FSTL4: variants seen among roughly 807,000 people sequenced by gnomAD.
FSTL4 encodes follistatin like 4.
FSTL4 carries 28 observed loss-of-function variants against 78.2 expected under a neutral mutation model. The ratio of observed to expected loss-of-function variants is 0.36; its 90% CI spans 0.27 to 0.49. FSTL4 has a LOEUF of 0.49. Among genes scored for constraint, FSTL4 ranks in the 20% least tolerant of loss-of-function variants. The probability of loss-of-function intolerance (pLI) is 0.98; values close to 1 mark genes in which losing one functional copy is unlikely to be tolerated. For synonymous variants in FSTL4, 422 were observed against 440.5 expected (o/e 0.96, Z 0.53); for missense variants, 922 against 1,084.9 (o/e 0.85, Z 2.11).
intron 8 of FSTL4, among the ~76,000 whole-genome samples, chr5:133,226,638 T>C (rs1424008248): frequency 6.6e-6 from 1 of 152,194 alleles, no homozygotes; most frequent in Non-Finnish European, 1.5e-5. Flanking sequence ...TTACACACTT[T>C]CAAAAAAGAT....
chr5:133,785,244 G>T, the FSTL4 span, among the ~76,000 whole-genome samples: 20 of 152,266 alleles, frequency 1.3e-4, no homozygotes, highest in Non-Finnish European at 5.9e-5. Flanking sequence ...GTCATGTGCA[G>T]CTGTGCTCCA....
At chr5:133,328,114 C>G (rs1447507273) in intron 4 of FSTL4, among the ~76,000 whole-genome samples, 2 of 152,208 alleles carry the variant, frequency 1.3e-5, no homozygotes, top group East Asian at 3.8e-4. Context: ...TGGCCTTTTA[C>G]CCAGGGTTAA....
the FSTL4 span, among the ~76,000 whole-genome samples, chr5:133,796,247 G>T: frequency 1.3e-5 from 2 of 152,228 alleles, no homozygotes; most frequent in East Asian, 3.9e-4. Flanking sequence ...CTTATGGGAG[G>T]GGGAGCACAC....
the FSTL4 span, among the ~76,000 whole-genome samples, chr5:133,808,322 A>G: frequency 0.14 from 20,822 of 152,152 alleles, 1,749 homozygotes; most frequent in African/African-American, 0.24. Context: ...ACAGAGGAGG[A>G]GAGTGTCCCA....
the FSTL4 span, among the ~76,000 whole-genome samples, chr5:133,715,156 GA>G: frequency 2.0e-5 from 3 of 152,186 alleles, no homozygotes; most frequent in Non-Finnish European, 4.4e-5. Context: ...CCTAAATTAT[GA>G]AAGCAAACAA....
At chr5:133,210,029 G>C (rs928055231) in intron 14 of FSTL4, 162 bp downstream of exon 14, 1 of 540,152 alleles carries the variant, frequency 1.9e-6, no homozygotes, top group African/African-American at 1.9e-5. Flanking sequence ...CCTGTGAGGG[G>C]CATTGGCCTG....
intron 3 of FSTL4, among the ~76,000 whole-genome samples, chr5:133,415,000 C>T (rs945203175): frequency 6.6e-6 from 1 of 152,212 alleles, no homozygotes; most frequent in African/African-American, 2.4e-5. Flanking sequence ...TCTCTTCCAC[C>T]TCCAAACCCA....
chr5:133,267,487 G>A (rs1385775397), intron 6 of FSTL4, among the ~76,000 whole-genome samples: 1 of 152,184 alleles, frequency 6.6e-6, no homozygotes, highest in Non-Finnish European at 1.5e-5. Context: ...AAGAGGCTGA[G>A]GCTGAATGAG....
At chr5:133,265,280 C>T (rs1752619360) in intron 6 of FSTL4, among the ~76,000 whole-genome samples, 1 of 152,226 alleles carries the variant, frequency 6.6e-6, no homozygotes, top group Non-Finnish European at 1.5e-5. Context: ...CTGCCGGCCA[C>T]TCTCCAAATG....
intron 2 of FSTL4, among the ~76,000 whole-genome samples, chr5:133,573,969 A>C (rs1317826390): frequency 6.6e-6 from 1 of 152,236 alleles, no homozygotes; most frequent in Non-Finnish European, 1.5e-5. Context: ...GAGTATCTTC[A>C]TGACTTTAAA....
At chr5:133,546,413 G>A (rs1759573275) in intron 3 of FSTL4, among the ~76,000 whole-genome samples, 1 of 150,668 alleles carries the variant, frequency 6.6e-6, no homozygotes, top group Admixed American at 6.7e-5. Context: ...GGCTGAGGTA[G>A]GAGAATTGCT....
the FSTL4 span, among the ~76,000 whole-genome samples, chr5:133,681,284 C>T: frequency 6.6e-6 from 1 of 152,202 alleles, no homozygotes; most frequent in East Asian, 1.9e-4. Context: ...TAATGTGAGG[C>T]CTGGGCCAGA....
chr5:133,509,026 T>A (rs2112885564), intron 3 of FSTL4, among the ~76,000 whole-genome samples: 1 of 152,356 alleles, frequency 6.6e-6, no homozygotes, highest in African/African-American at 2.4e-5. Flanking sequence ...GACTTGCTAT[T>A]GGTTTACTCT....
At chr5:133,238,781 G>A (rs544843985) in intron 7 of FSTL4, among the ~76,000 whole-genome samples, 4 of 152,332 alleles carry the variant, frequency 2.6e-5, no homozygotes, top group East Asian at 1.9e-4. Flanking sequence ...AGGTTACGGC[G>A]ACATTCACTT....
At chr5:133,277,172 T>C (rs1752902270) in intron 6 of FSTL4, among the ~76,000 whole-genome samples, 1 of 152,078 alleles carries the variant, frequency 6.6e-6, no homozygotes, top group Non-Finnish European at 1.5e-5. Flanking sequence ...ATAAATTAGC[T>C]GGGTGTGGCG....
the FSTL4 span, among the ~76,000 whole-genome samples, chr5:133,707,880 G>A: frequency 2.4e-4 from 37 of 152,112 alleles, no homozygotes; most frequent in African/African-American, 8.7e-4. Context: ...GGCTTCAGGT[G>A]TTGCTTGAGG....
intron 6 of FSTL4, among the ~76,000 whole-genome samples, chr5:133,277,754 G>A (rs977137316): frequency 6.6e-6 from 1 of 152,126 alleles, no homozygotes; most frequent in African/African-American, 2.4e-5. Context: ...GGGGATCCTG[G>A]GGCCCTGGGC....
At chr5:133,224,140 A>G (rs1004502802) in intron 11 of FSTL4, 50 bp downstream of exon 11, 13 of 1,531,006 alleles carry the variant, frequency 8.5e-6, no homozygotes, top group Non-Finnish European at 1.2e-5. Flanking sequence ...CCATCATAGA[A>G]CCAAACACAC....
chr5:133,245,706 T>G (rs930541242), intron 7 of FSTL4, among the ~76,000 whole-genome samples: 1 of 152,204 alleles, frequency 6.6e-6, no homozygotes, highest in Non-Finnish European at 1.5e-5. Context: ...TGACTCCCCA[T>G]GTACGCCACC....
Sources: allele counts gnomAD v4.1 joint callset (sites outside exome capture counted in the v4.1 genomes callset), GRCh38; gene constraint gnomAD v4.1.1; transcripts MANE v1.5; gene names NCBI Gene and HGNC (gene_info 2026-07-23, HGNC 2026-07-21).